Variants in IRAK2 observed in about 807,000 individuals in gnomAD.
IRAK2 encodes the protein interleukin-1 receptor-associated kinase-like 2.
A neutral mutation model predicts 72.0 loss-of-function variants in IRAK2; 57 were observed. The observed-to-expected ratio is 0.79, with a 90% CI of 0.64 to 0.99. IRAK2 has a LOEUF of 0.99. IRAK2 is among the 50% of genes least tolerant of loss of function. IRAK2 has a pLI of 0.00. For missense variants in IRAK2, 790 were observed against 794.4 expected, an observed-to-expected ratio of 0.99 and a Z score of 0.07; for synonymous variants, 293 against 312.7, an observed-to-expected ratio of 0.94 and a Z score of 0.67.
At chr3:10,233,772 G>C (rs1697904785) in intron 10 of IRAK2, among the ~76,000 whole-genome samples, 1 of 152,152 alleles carries the variant, frequency 6.6e-6, no homozygotes, top group Non-Finnish European at 1.5e-5. Context: ...AAAGACTATT[G>C]AATGTTCCGT....
chr3:10,222,473 C>A (rs539690349), intron 8 of IRAK2, among the ~76,000 whole-genome samples, 163 bp from the exon 9 acceptor site: 1 of 152,312 alleles, frequency 6.6e-6, no homozygotes, highest in African/African-American at 2.4e-5. Flanking sequence ...GATGCCCTCT[C>A]TTCCCCAGTC....
At chr3:10,234,725 C>T in intron 11 of IRAK2, 66 bp downstream of exon 11, 2 of 1,412,068 alleles carry the variant, frequency 1.4e-6, no homozygotes, top group South Asian at 2.4e-5. Flanking sequence ...CGGGGACGGC[C>T]CCTTCGCAGA....
At chr3:10,214,207 G>A (rs34934317) in intron 6 of IRAK2, among the ~76,000 whole-genome samples, 37,090 of 151,832 alleles carry the variant, frequency 0.24, 5,987 homozygotes, top group Non-Finnish European at 0.36. Flanking sequence ...GGGATTACAG[G>A]CGTGAGCCAC....
At chr3:10,214,845 A>G (rs1697578060) in intron 6 of IRAK2, among the ~76,000 whole-genome samples, 1 of 152,128 alleles carries the variant, frequency 6.6e-6, no homozygotes, top group African/African-American at 2.4e-5. Flanking sequence ...CTATAATCCC[A>G]GCACTTTGGG....
chr3:10,207,992 CAAAAA>C (rs35298616), intron 3 of IRAK2, among the ~76,000 whole-genome samples: 18 of 94,984 alleles, frequency 1.9e-4, no homozygotes, highest in Non-Finnish European at 3.1e-4. Flanking sequence ...ACTCTGTTTC[CAAAAA>C]AAAAAAAAAA....
chr3:10,242,458 T>C lies in IRAK2; in HGVS notation c.*230T>C. On this transcript the variant is annotated 3_prime_UTR_variant, in exon 13 of 13. Coordinates refer to ENST00000256458, the MANE Select transcript of IRAK2 (RefSeq NM_001570.4). ...TCTCTTCCTTTCTGGGCTTTGTTAG[T>C]CAGAGCAGGGGATCAGAGGAGACTG... 3.0e-6 allele frequency: 1 copy of C among 334,286 alleles called. No individual in the cohort carries two copies. Among genetic ancestry groups the C allele is most frequent in the Non-Finnish European group, 5.5e-6 (1 of 181,616 alleles). 20.7% of individuals were successfully genotyped at this position (334,286 alleles called of 1,614,324 possible).
At chr3:10,231,922 C>T (rs1169675) in intron 10 of IRAK2, among the ~76,000 whole-genome samples, 9 of 151,992 alleles carry the variant, frequency 5.9e-5, no homozygotes, top group African/African-American at 1.9e-4. Context: ...GTCAGGAGAT[C>T]GAGACCATCC....
At chr3:10,218,175 G>A (rs1575980918) in intron 7 of IRAK2, among the ~76,000 whole-genome samples, 1 of 152,188 alleles carries the variant, frequency 6.6e-6, no homozygotes, top group Admixed American at 6.5e-5. Context: ...TGTAATCCCA[G>A]TACATTGGGA....
In IRAK2 at chr3:10,226,064, A is replaced by G. The variant is rs1380273522; in HGVS notation, c.1210-307A>G. 2.6e-5 allele frequency among the ~76,000 whole-genome samples: 4 copies of G among 152,312 alleles called. No homozygotes were observed. In the South Asian group the frequency reaches 6.2e-4, roughly 24 times the overall value. On this transcript the variant is annotated intron_variant, in intron 9 of 12. Coordinates refer to ENST00000256458, the MANE Select transcript of IRAK2 (RefSeq NM_001570.4). ...TGTATATATACGTGTGTGTGTATCT[A>G]TATTTATCTATACCTATATATATCT...
chr3:10,204,360 T>C (rs1052259576), intron 3 of IRAK2, among the ~76,000 whole-genome samples: 3 of 152,172 alleles, frequency 2.0e-5, no homozygotes, highest in Non-Finnish European at 4.4e-5. Flanking sequence ...GCTGCCAGCA[T>C]CAGGGCAGGA....
In IRAK2 at chr3:10,215,855, G is replaced by A. The variant is rs117702438; in HGVS notation, c.789-1079G>A. Among the ~76,000 whole-genome samples, 5 of 152,112 alleles carry A rather than the reference G, an allele frequency of 3.3e-5. No homozygotes were observed. The East Asian group carries it at 7.7e-4, about 23-fold the overall frequency. ...TTTGGCTTAGTGCTTTCATGGAGTC[G>A]GCAGTCACTCCTTCATTCATTGATT... On this transcript the variant is annotated intron_variant, in intron 6 of 12. Transcript: ENST00000256458.
At chr3:10,228,223 C>G (rs1392583485) in intron 10 of IRAK2, among the ~76,000 whole-genome samples, 1 of 152,036 alleles carries the variant, frequency 6.6e-6, no homozygotes, top group Non-Finnish European at 1.5e-5. Context: ...TTGGAACAGA[C>G]AGATTATTAT....
intron 1 of IRAK2, among the ~76,000 whole-genome samples, chr3:10,171,285 C>A (rs888855310): frequency 5.3e-5 from 8 of 152,170 alleles, no homozygotes; most frequent in African/African-American, 1.9e-4. Context: ...TTTGCCCTGC[C>A]CAGCTGTGTG....
At chr3:10,188,781 C>T (rs1182703653) in intron 2 of IRAK2, among the ~76,000 whole-genome samples, 1 of 152,020 alleles carries the variant, frequency 6.6e-6, no homozygotes, top group Non-Finnish European at 1.5e-5. Context: ...CTGCCTTGGC[C>T]TCCCAAAGTG....
chr3:10,194,073 C>G (rs1213960812), intron 2 of IRAK2, among the ~76,000 whole-genome samples: 1 of 152,212 alleles, frequency 6.6e-6, no homozygotes, highest in Non-Finnish European at 1.5e-5. Flanking sequence ...TGTTGTGGGC[C>G]CCTGCCCTGG....
At chr3:10,197,562 CCAAAGGAGG>C (rs1697289550) in intron 2 of IRAK2, among the ~76,000 whole-genome samples, 1 of 151,792 alleles carries the variant, frequency 6.6e-6, no homozygotes, top group Admixed American at 6.6e-5. Flanking sequence ...TAAAAGTTGT[CCAAAGGAGG>C]GCCGGGCATG....
intron 7 of IRAK2, among the ~76,000 whole-genome samples, chr3:10,218,699 G>A (rs946951758): frequency 1.3e-5 from 2 of 152,166 alleles, no homozygotes; most frequent in African/African-American, 4.8e-5. Flanking sequence ...TGCTGATTGA[G>A]CACCTACTGT....
chr3:10,169,583 C>G (rs1696760200), intron 1 of IRAK2, among the ~76,000 whole-genome samples: 1 of 152,222 alleles, frequency 6.6e-6, no homozygotes, highest in Non-Finnish European at 1.5e-5. Context: ...CCCGACCCCA[C>G]AGGCAGTCAG....
intron 2 of IRAK2, among the ~76,000 whole-genome samples, chr3:10,184,222 C>G (rs1035406617): frequency 6.6e-5 from 10 of 152,204 alleles, no homozygotes; most frequent in African/African-American, 2.4e-4. Context: ...CACAGAACCA[C>G]ACCTGCTTGC....
Sources: gnomAD v4.1 joint callset for allele counts (sites outside exome capture counted in the v4.1 genomes callset) on GRCh38, gnomAD v4.1.1 for gene constraint, MANE v1.5 for transcripts, NCBI Gene and HGNC (gene_info 2026-07-23, HGNC 2026-07-21) for gene names.